Variants in CCDC18 observed in about 807,000 individuals in gnomAD.
CCDC18 encodes the protein coiled-coil domain-containing protein 18.
A neutral mutation model predicts 196.0 loss-of-function variants in CCDC18; 157 were observed. That is an observed-to-expected ratio of 0.80 (90% CI 0.70 to 0.91). The LOEUF (loss-of-function observed/expected upper bound fraction) is 0.91. Among genes scored for constraint, CCDC18 ranks in the 40% least tolerant of loss-of-function variants. CCDC18 has a pLI of 0.00. For missense variants in CCDC18, 1,465 were observed against 1,611.6 expected (o/e 0.91, Z 1.56); for synonymous variants, 482 against 529.2 (o/e 0.91, Z 1.22).
At chr1:93,200,118 G>C (rs951546876) in intron 6 of CCDC18, among the ~76,000 whole-genome samples, 2 of 151,972 alleles carry the variant, frequency 1.3e-5, no homozygotes, top group Non-Finnish European at 2.9e-5. Context: ...TAGAGTAGCT[G>C]GGACTACAGG....
chr1:93,193,100 G>A (rs1214537416), intron 5 of CCDC18, among the ~76,000 whole-genome samples: 1 of 152,060 alleles, frequency 6.6e-6, no homozygotes, highest in Admixed American at 6.5e-5. Context: ...GTATGGGAAG[G>A]TTACCGACTT....
chr1:93,265,479 TTA>T (rs1664373128), intron 27 of CCDC18, among the ~76,000 whole-genome samples: 1 of 152,226 alleles, frequency 6.6e-6, no homozygotes, highest in African/African-American at 2.4e-5. Flanking sequence ...AAAATCCTAC[TTA>T]TATGAGATAC....
At chr1:93,261,555 G>A (rs185935454) in intron 26 of CCDC18, among the ~76,000 whole-genome samples, 2 of 151,988 alleles carry the variant, frequency 1.3e-5, no homozygotes, top group East Asian at 3.9e-4. Flanking sequence ...AAAGCACAGT[G>A]CTTTCAAAGA....
intron 17 of CCDC18, among the ~76,000 whole-genome samples, chr1:93,230,570 T>C (rs1478371678): frequency 6.6e-6 from 1 of 152,118 alleles, no homozygotes; most frequent in African/African-American, 2.4e-5. Flanking sequence ...TTGATAGATA[T>C]ATGTTCTATT....
chr1:93,252,948 G>A (rs1662463042), intron 23 of CCDC18, among the ~76,000 whole-genome samples: 2 of 152,254 alleles, frequency 1.3e-5, no homozygotes, highest in African/African-American at 4.8e-5. Context: ...TGCGTACTAA[G>A]GCTGTGGGAA....
intron 26 of CCDC18, among the ~76,000 whole-genome samples, chr1:93,263,900 G>A (rs924063875): frequency 3.3e-5 from 5 of 152,162 alleles, no homozygotes; most frequent in African/African-American, 1.2e-4. Context: ...TGGTGTGAGT[G>A]CCTGAGGCTT....
chr1:93,272,060 A>G (rs1194087315), intron 28 of CCDC18, among the ~76,000 whole-genome samples: 2 of 152,198 alleles, frequency 1.3e-5, no homozygotes, highest in African/African-American at 4.8e-5. Context: ...GCCTAACATC[A>G]TTTTCAAACA....
chr1:93,214,757 G>A lies in CCDC18; in HGVS notation c.1510G>A (p.Asp504Asn), dbSNP rs1656215701. The A allele has an allele frequency of 6.2e-7, 1 of 1,610,604 alleles. No homozygotes were observed. Residue 504 changes from aspartate to asparagine, a missense_variant, in exon 12 of 29, where the codon GAT (aspartate) becomes AAT (asparagine). By Grantham distance (23) the Asp-to-Asn change is conservative. Transcript: ENST00000690025. The part of the protein sequence containing the change: ...GGHQVAESVK[D>N]QNQHTMNKQY... ...ATGTTTATTAGCAGAAAGCGTAAAA[G>A]ATCAAAATCAACATACTATGAACAA...
chr1:93,260,614 T>A (rs867810432), intron 26 of CCDC18, among the ~76,000 whole-genome samples: 2 of 152,032 alleles, frequency 1.3e-5, no homozygotes, highest in African/African-American at 4.8e-5. Context: ...GTTTTTTTTA[T>A]TATACTTTCT....
intron 27 of CCDC18, among the ~76,000 whole-genome samples, chr1:93,265,180 A>G (rs371807585): frequency 6.6e-6 from 1 of 152,300 alleles, no homozygotes; most frequent in African/African-American, 2.4e-5. Flanking sequence ...AGGTAGAAAC[A>G]TTTTTCAAAA....
intron 26 of CCDC18, among the ~76,000 whole-genome samples, chr1:93,264,002 G>A (rs923101647): frequency 2.5e-4 from 38 of 152,208 alleles, no homozygotes; most frequent in African/African-American, 8.9e-4. Flanking sequence ...AAAGAAAAGA[G>A]GTTTAATTGA....
Position 93,191,991 on chromosome 1 carries a change from A to G in CCDC18, c.463-9A>G, listed in dbSNP as rs1404958405. The stretch of plus-strand genomic sequence containing the variant: ...TGAAAGTACTATAAAAGTTGTTTTT[A>G]TGTTTTAGGTTTCTATGCTTGAGTC... On this transcript the variant is annotated splice_polypyrimidine_tract_variant and intron_variant, in intron 4 of 28. Coordinates refer to ENST00000690025, the MANE Select transcript of CCDC18 (RefSeq NM_001378204.1). 6.3e-7 allele frequency: 1 copy of G among 1,589,398 alleles called. No individual in the cohort carries two copies. The highest frequency in any genetic ancestry group is 8.6e-7 in the Non-Finnish European group (1 of 1,163,286).
At position 93,232,572 on chromosome 1, in the gene CCDC18, T is replaced by G. The variant is rs753091039; in HGVS notation, c.2439T>G (p.Thr813=). The G allele has an allele frequency of 1.2e-5, 20 of 1,604,286 alleles. No homozygotes were observed. The highest frequency in any genetic ancestry group is 1.7e-5 in the Non-Finnish European group (20 of 1,176,216). ...ETIRNGELED[T]QTKLEKQVSK... is the part of the protein sequence containing the mutation. ...TTAGAAATGGAGAGCTAGAAGATAC[T>G]CAAACTAAACTTGAAAAACAGGTAT... The change falls in exon 18 of 29, where the codon ACT becomes ACG. Residue 813 remains threonine (T), a synonymous_variant. Transcript: ENST00000690025.
At chr1:93,273,211 G>C (rs942934526) in intron 28 of CCDC18, among the ~76,000 whole-genome samples, 2 of 152,046 alleles carry the variant, frequency 1.3e-5, no homozygotes, top group Admixed American at 6.6e-5. Context: ...TGGGACTACA[G>C]GCGCCCGCCA....
At position 93,216,618 on chromosome 1, in the gene CCDC18, A is replaced by T. The variant is rs747552837; in HGVS notation, c.1720-18A>T. The T allele has an allele frequency of 8.1e-7, 1 of 1,234,968 alleles. No homozygotes were observed. The highest frequency in any genetic ancestry group is 1.4e-5 in the South Asian group (1 of 73,630). 76.5% of individuals were successfully genotyped at this position (1,234,968 alleles called of 1,614,324 possible). ...ACCTTTAAAAAATAATTTTACATTTATTTCAATGTGTTTTCAGATGACAAA... is the reference window on the plus strand; with the variant it reads ...ACCTTTAAAAAATAATTTTACATTTTTTTCAATGTGTTTTCAGATGACAAA... On this transcript the variant is annotated intron_variant, in intron 12 of 28. Transcript: ENST00000690025.
intron 4 of CCDC18, 22 bp downstream of exon 4, chr1:93,186,525 T>A (rs773898850): frequency 2.5e-5 from 39 of 1,560,428 alleles, no homozygotes; most frequent in Non-Finnish European, 3.3e-5. Context: ...GAAATAAGTT[T>A]GCCAACAGAA....
Position 93,232,400 on chromosome 1 carries a change from G to C in CCDC18, c.2293-26G>C, listed in dbSNP as rs753706285. 2 of 1,367,432 alleles carry C rather than the reference G, an allele frequency of 1.5e-6. No homozygotes were observed. Among genetic ancestry groups the C allele is most frequent in the Non-Finnish European group, 2.0e-6 (2 of 983,794 alleles). 84.7% of individuals were successfully genotyped at this position (1,367,432 alleles called of 1,614,324 possible). A position where few individuals can be genotyped will look rare whatever the true frequency, so the allele number is the denominator to read the frequency against. On this transcript the variant is annotated intron_variant, in intron 17 of 28. Transcript: ENST00000690025. ...TTTATTTGAAACATTGCATTGTATT[G>C]AGAGATATATATATATATTTGCCAG...
rs534286605 is a variant in CCDC18 at position 93,270,098 on chromosome 1, A to G, written c.3886-249A>G. Among the ~76,000 whole-genome samples the G allele has an allele frequency of 5.3e-5, 8 of 152,314 alleles. No individual in the cohort carries two copies. In the South Asian group the frequency reaches 1.7e-3, roughly 32 times the overall value. On this transcript the variant is annotated intron_variant, in intron 27 of 28. Transcript: ENST00000690025. ...TGTCATTAACACCAAAAATATATAT[A>G]TAAGGAGAATCTAGTTTTAATGGAA...
At chr1:93,258,649 T>TAAAAAATTAAACTAC (rs1417127975) in intron 25 of CCDC18, 99 bp from the exon 26 acceptor site, 2 of 929,308 alleles carry the variant, frequency 2.2e-6, no homozygotes, top group Admixed American at 7.4e-5. Flanking sequence ...TTATATAATA[T>TAAAAAATTAAACTAC]AAAAAATTAA....
Sources: gnomAD v4.1 joint callset for allele counts (sites outside exome capture counted in the v4.1 genomes callset) on GRCh38, gnomAD v4.1.1 for gene constraint, MANE v1.5 for transcripts, NCBI Gene and HGNC (gene_info 2026-07-23, HGNC 2026-07-21) for gene names.